POTEE: variants seen among roughly 807,000 people sequenced by gnomAD.
The protein encoded by POTEE is POTE ankyrin domain family member E.
POTEE carries 21 observed loss-of-function variants against 74.2 expected under a neutral mutation model. The observed-to-expected ratio is 0.28, with a 90% CI of 0.20 to 0.41. The LOEUF (loss-of-function observed/expected upper bound fraction) is 0.41. POTEE is among the 10% of genes least tolerant of loss of function. The pLI, the probability that POTEE is intolerant of heterozygous loss-of-function variation, is 1.00. For synonymous variants in POTEE, 211 were observed against 432.8 expected, an observed-to-expected ratio of 0.49 and a Z score of 6.36; for missense variants, 525 against 1,158.6, an observed-to-expected ratio of 0.45 and a Z score of 7.94.
chr2:131,214,372 A>T (rs1420899420), intron 2 of POTEE, among the ~76,000 whole-genome samples: 3 of 152,258 alleles, frequency 2.0e-5, no homozygotes, highest in Non-Finnish European at 2.9e-5. Flanking sequence ...ATGAGAGAGG[A>T]TCTTATATGG....
chr2:131,218,614 G>A lies in POTEE; in HGVS notation c.212G>A (p.Cys71Tyr). ...MGKWCHHCFP[C>Y]CRGSGKSNVG... ...AAGTGGTGCCACCACTGCTTCCCCT[G>A]CTGCAGGGGGAGTGGCAAGAGCAAC... Residue 71 changes from cysteine (C) to tyrosine (Y), a missense_variant, in exon 4 of 18, where the codon TGC (cysteine) becomes TAC (tyrosine). By Grantham distance (194) the Cys-to-Tyr change is radical. Coordinates refer to ENST00000683005, the MANE Select transcript of POTEE (RefSeq NM_001083538.3). The A allele has an allele frequency of 6.2e-7, 1 of 1,611,944 alleles. No individual in the cohort carries two copies. Among genetic ancestry groups the A allele is most frequent in the Non-Finnish European group, 8.5e-7 (1 of 1,179,552 alleles).
chr2:131,237,540 A>G (rs1180639911), intron 10 of POTEE, among the ~76,000 whole-genome samples: 2 of 151,974 alleles, frequency 1.3e-5, no homozygotes, highest in Non-Finnish European at 2.9e-5. Context: ...ATTATTAAAA[A>G]ATCTTTATCC....
Position 131,230,893 on chromosome 2 carries a change from A to G in POTEE, c.1113A>G (p.Glu371=). The change falls in exon 9 of 18, where the codon GAA becomes GAG. Residue 371 remains glutamate (E), a synonymous_variant. Transcript: ENST00000683005. ...KEKQMLKISS[E]NSNPEQELKL... is the part of the protein sequence containing the mutation. Reference sequence around the variant, plus strand: ...AACAGATGCTAAAAATCTCTTCTGAAAACAGCAATCCAGGTAAGACTTGTG... The same window carrying G: ...AACAGATGCTAAAAATCTCTTCTGAGAACAGCAATCCAGGTAAGACTTGTG... 1 of 1,559,286 alleles carries G rather than the reference A, an allele frequency of 6.4e-7. No homozygotes were observed. Among genetic ancestry groups the G allele is most frequent in the Admixed American group, 1.9e-5 (1 of 53,598 alleles).
intron 4 of POTEE, among the ~76,000 whole-genome samples, chr2:131,220,960 CAAAAAAAAAAAA>C (rs368618556): frequency 8.6e-6 from 1 of 116,954 alleles, no homozygotes; most frequent in African/African-American, 3.7e-5. Context: ...GACTCCATCT[CAAAAAAAAAAAA>C]AGAAAAAAAA....
rs565284660 is a variant in POTEE, at chr2:131,228,667, A to G, written c.1055+286A>G. Among the ~76,000 whole-genome samples, 20 of 147,416 alleles carry G rather than the reference A, an allele frequency of 1.4e-4. 1 individual carries two copies. Among genetic ancestry groups the G allele is most frequent in the African/African-American group, 5.1e-4 (19 of 36,938 alleles). ...TGTAACACCTATGCAGGGATAAAAA[A>G]TAGTGTCACATCTTTAATTTTTCTG... On this transcript the variant is annotated intron_variant, in intron 8 of 17. Transcript: ENST00000683005.
chr2:131,264,896 A>T lies in POTEE; in HGVS notation c.*213A>T, dbSNP rs1248971967. The stretch of plus-strand genomic sequence containing the variant: ...CCAAAGTTCTACAATGTTGCCAAGG[A>T]CTTTGATTGTACATTGTTCTTCTTT... On this transcript the variant is annotated 3_prime_UTR_variant, in exon 18 of 18. Transcript: ENST00000683005. 6 of 942,134 alleles carry T rather than the reference A, an allele frequency of 6.4e-6. No individual in the cohort carries two copies. The highest frequency in any genetic ancestry group is 1.7e-5 in the South Asian group (1 of 57,972). The allele number at this position is 942,134 out of a possible 1,614,324, so 58.4% of individuals were successfully genotyped here.
chr2:131,254,003 CAT>C (rs1453651650), intron 16 of POTEE, among the ~76,000 whole-genome samples: 2,907 of 149,078 alleles, frequency 0.019, no homozygotes, highest in African/African-American at 0.071. Flanking sequence ...TTTGATGACA[CAT>C]CTTAAGAGTT....
chr2:131,263,442 G>A lies in POTEE; in HGVS notation c.1987G>A (p.Asp663Asn), dbSNP rs1701781161. The change falls in exon 18 of 18, where the codon GAC becomes AAC. Residue 663 changes from aspartate (D) to asparagine (N), a missense_variant. Coordinates refer to ENST00000683005, the MANE Select transcript of POTEE (RefSeq NM_001083538.3). The stretch of plus-strand genomic sequence containing the variant: ...AATTGCCATGCTAAGACTGGAGCTA[G>A]ACACAATGAAACATCAGAGCCAGCT... Reference protein sequence around the residue: ...EEIAMLRLELDTMKHQSQLRE... With the variant: ...EEIAMLRLELNTMKHQSQLRE... The A allele has an allele frequency of 6.2e-7, 1 of 1,611,884 alleles. No homozygotes were observed.
intron 9 of POTEE, among the ~76,000 whole-genome samples, chr2:131,235,722 T>C (rs1404080927): frequency 2.2e-5 from 3 of 135,466 alleles, no homozygotes; most frequent in South Asian, 2.2e-4. Flanking sequence ...AACCAGGGAG[T>C]GTCAGAGGTT....
At chr2:131,222,455 G>A (rs1255340480) in intron 4 of POTEE, among the ~76,000 whole-genome samples, 6 of 151,576 alleles carry the variant, frequency 4.0e-5, no homozygotes, top group East Asian at 1.9e-4. Context: ...TAGAATGAAT[G>A]GGTACTGGGC....
At chr2:131,210,769 C>CT (rs1437828613) in intron 1 of POTEE, among the ~76,000 whole-genome samples, 2 of 148,280 alleles carry the variant, frequency 1.3e-5, no homozygotes, top group African/African-American at 5.1e-5. Context: ...CTGGCTGGGT[C>CT]TGAGTTTCTC....
intron 4 of POTEE, 143 bp from the exon 5 acceptor site, chr2:131,223,453 T>C (rs2105075746): frequency 1.1e-6 from 1 of 883,528 alleles, no homozygotes; most frequent in East Asian, 2.6e-5. Flanking sequence ...TAATAAATAG[T>C]GTGCTTTTTT....
intron 4 of POTEE, among the ~76,000 whole-genome samples, chr2:131,221,195 A>T (rs1369216696): frequency 2.6e-4 from 39 of 152,222 alleles, no homozygotes; most frequent in African/African-American, 8.4e-4. Context: ...CTTAGTATTG[A>T]TTAAAATAGC....
rs1700938291 is a variant in POTEE, at chr2:131,231,054, C to G, written c.1126+148C>G. ...ATTCAATCATGTTACATTTATTGTGCTACTTTATATTATTATCACATTGTA... is the reference window on the plus strand; with the variant it reads ...ATTCAATCATGTTACATTTATTGTGGTACTTTATATTATTATCACATTGTA... On this transcript the variant is annotated intron_variant, in intron 9 of 17. Transcript: ENST00000683005. 9.2e-6 allele frequency: 6 copies of G among 653,108 alleles called. No homozygotes were observed. In the South Asian group the frequency reaches 1.0e-4, roughly 11 times the overall value. 40.5% of individuals were successfully genotyped at this position (653,108 alleles called of 1,614,324 possible).
chr2:131,216,493 G>A (rs976379958), intron 2 of POTEE, among the ~76,000 whole-genome samples: 378 of 151,804 alleles, frequency 2.5e-3, no homozygotes, highest in Non-Finnish European at 4.4e-3. Context: ...TGGTATAATT[G>A]GCAAGCCACA....
rs752352961 is a variant in POTEE at position 131,263,963 on chromosome 2, C to G, written c.2508C>G (p.Ile836Met). Residue 836 changes from isoleucine to methionine, a missense_variant, in exon 18 of 18, where the codon ATC (isoleucine) becomes ATG (methionine). By Grantham distance (10) the Ile-to-Met change is conservative. Coordinates refer to ENST00000683005, the MANE Select transcript of POTEE (RefSeq NM_001083538.3). ...TFNTPAMYVA[I>M]QAVPSLYTSG... Reference sequence around the variant, plus strand: ...ACACCCCAGCCATGTACGTGGCCATCCAGGCCGTGCCGTCCCTGTACACCT... The same window carrying G: ...ACACCCCAGCCATGTACGTGGCCATGCAGGCCGTGCCGTCCCTGTACACCT... The G allele has an allele frequency of 1.9e-6, 3 of 1,614,204 alleles. No homozygotes were observed. The highest frequency in any genetic ancestry group is 8.5e-7 in the Non-Finnish European group (1 of 1,180,038).
chr2:131,212,832 G>A (rs1354257596), intron 2 of POTEE, among the ~76,000 whole-genome samples: 2 of 151,040 alleles, frequency 1.3e-5, no homozygotes, highest in African/African-American at 4.9e-5. Context: ...CCAAAGTGCT[G>A]GGATTGGAGG....
chr2:131,213,106 G>A (rs1434177664), intron 2 of POTEE, among the ~76,000 whole-genome samples: 1 of 151,864 alleles, frequency 6.6e-6, no homozygotes, highest in Non-Finnish European at 1.5e-5. Context: ...GATTATAGGT[G>A]CCTGCCACCA....
chr2:131,249,108 C>CA (rs1427712521), intron 13 of POTEE, among the ~76,000 whole-genome samples: 4 of 107,496 alleles, frequency 3.7e-5, no homozygotes, highest in Admixed American at 2.0e-4. Flanking sequence ...ATTGCTGACT[C>CA]AAACACAATG....
Sources: gnomAD v4.1 joint callset for allele counts (sites outside exome capture counted in the v4.1 genomes callset) on GRCh38, gnomAD v4.1.1 for gene constraint, MANE v1.5 for transcripts, NCBI Gene and HGNC (gene_info 2026-07-23, HGNC 2026-07-21) for gene names.